FSTL5: variants seen among roughly 807,000 people sequenced by gnomAD.
FSTL5 encodes the protein follistatin like 5.
Under a neutral mutation model 89.1 loss-of-function variants are expected in FSTL5, and 62 were observed. That is an observed-to-expected ratio of 0.70 (90% CI 0.57 to 0.86). FSTL5 has a LOEUF of 0.86. FSTL5 is among the 40% of genes least tolerant of loss of function. The pLI is 0.00. For synonymous variants in FSTL5, 383 were observed against 346.2 expected, an observed-to-expected ratio of 1.11 and a Z score of -1.18; for missense variants, 1,057 against 1,001.6, an observed-to-expected ratio of 1.06 and a Z score of -0.75.
At chr4:162,098,409 T>C (rs950888427) in intron 2 of FSTL5, among the ~76,000 whole-genome samples, 2 of 151,990 alleles carry the variant, frequency 1.3e-5, no homozygotes, top group Non-Finnish European at 2.9e-5. Context: ...ATTGATGTAT[T>C]TTGCAAAAAT....
chr4:161,634,760 T>C (rs1246373758), intron 7 of FSTL5, among the ~76,000 whole-genome samples: 2 of 152,130 alleles, frequency 1.3e-5, no homozygotes, highest in African/African-American at 4.8e-5. Flanking sequence ...GGGAGGACAT[T>C]GTTCAAAGGG....
chr4:161,853,403 G>C (rs543437750), intron 4 of FSTL5, among the ~76,000 whole-genome samples: 1 of 151,310 alleles, frequency 6.6e-6, no homozygotes, highest in African/African-American at 2.4e-5. Flanking sequence ...GAGTAGCTAG[G>C]ATTACAGGCA....
intron 4 of FSTL5, among the ~76,000 whole-genome samples, chr4:161,849,048 AG>A (rs1731468561): frequency 6.6e-6 from 1 of 152,134 alleles, no homozygotes; most frequent in Non-Finnish European, 1.5e-5. Context: ...GTCTCTATAA[AG>A]GGATCAGTGC....
intron 1 of FSTL5, among the ~76,000 whole-genome samples, chr4:162,131,664 A>G (rs1417670389): frequency 6.6e-6 from 1 of 152,186 alleles, no homozygotes; most frequent in Non-Finnish European, 1.5e-5. Context: ...CTGAGAGAAG[A>G]TTCCCTGGGC....
chr4:161,568,039 G>T (rs1004349063), intron 8 of FSTL5, among the ~76,000 whole-genome samples: 1 of 151,506 alleles, frequency 6.6e-6, no homozygotes. Context: ...TTGGCAATAC[G>T]AGATCAGCAG....
At chr4:161,498,359 C>T (rs149762907) in intron 12 of FSTL5, among the ~76,000 whole-genome samples, 1 of 152,178 alleles carries the variant, frequency 6.6e-6, no homozygotes, top group East Asian at 1.9e-4. Context: ...ATTAAATTAA[C>T]TCACCCAGAG....
chr4:162,151,761 A>G (rs1306867701), intron 1 of FSTL5, among the ~76,000 whole-genome samples: 1 of 152,214 alleles, frequency 6.6e-6, no homozygotes, highest in Non-Finnish European at 1.5e-5. Flanking sequence ...CAAGAGAAAC[A>G]GTGTGGCTTC....
intron 15 of FSTL5, among the ~76,000 whole-genome samples, chr4:161,432,676 T>G (rs1320610692): frequency 2.0e-5 from 3 of 150,410 alleles, no homozygotes; most frequent in Non-Finnish European, 3.0e-5. Flanking sequence ...AAGTAACAAA[T>G]CTTTAGCCAG....
At chr4:161,400,676 G>A (rs1261682446) in intron 15 of FSTL5, among the ~76,000 whole-genome samples, 2 of 151,992 alleles carry the variant, frequency 1.3e-5, no homozygotes, top group African/African-American at 4.8e-5. Context: ...ATTACATATA[G>A]AAACATTGAC....
chr4:161,626,948 A>T lies in FSTL5; in HGVS notation c.894+29380T>A, dbSNP rs11930643. Among the ~76,000 whole-genome samples, 1,513 of 152,262 alleles carry T rather than the reference A, an allele frequency of 9.9e-3. 21 individuals carry two copies. The highest frequency in any genetic ancestry group is 0.034 in the African/African-American group (1,420 of 41,544). On this transcript the variant is annotated intron_variant, in intron 7 of 15. Transcript: ENST00000306100. ...TACAGTAGCACTATAAAAGTTGAAC[A>T]GATTACTTGCTTTTTATGGATGAGC...
chr4:161,854,135 T>C (rs966185112), intron 4 of FSTL5, among the ~76,000 whole-genome samples: 1 of 152,182 alleles, frequency 6.6e-6, no homozygotes, highest in Non-Finnish European at 1.5e-5. Flanking sequence ...AGTATAGGAC[T>C]GGCCAGGAGG....
chr4:162,051,824 A>G (rs1259325947), intron 2 of FSTL5, among the ~76,000 whole-genome samples: 3 of 151,638 alleles, frequency 2.0e-5, no homozygotes, highest in African/African-American at 7.2e-5. Flanking sequence ...CTGAAAAAAA[A>G]CAGTATTTGT....
At chr4:161,770,987 G>A (rs544514322) in intron 5 of FSTL5, among the ~76,000 whole-genome samples, 7 of 152,012 alleles carry the variant, frequency 4.6e-5, no homozygotes, top group African/African-American at 1.4e-4. Flanking sequence ...TGAACAAAAC[G>A]AATATTGTGC....
rs557117603 is a variant in FSTL5, at chr4:161,581,858, C to T, written c.1015+5597G>A. 7.2e-5 allele frequency among the ~76,000 whole-genome samples: 11 copies of T among 152,314 alleles called. No individual in the cohort carries two copies. In the South Asian group the frequency reaches 1.2e-3, roughly 17 times the overall value. On this transcript the variant is annotated intron_variant, in intron 8 of 15. Coordinates refer to ENST00000306100, the MANE Select transcript of FSTL5 (RefSeq NM_020116.5). ...TAGTTTCACTGTGAATATGGACAAG[C>T]TTTCTGCCCAGAGGGGCGTGTAAAC...
intron 3 of FSTL5, among the ~76,000 whole-genome samples, chr4:161,957,091 T>G (rs1425898392): frequency 1.3e-5 from 2 of 151,948 alleles, no homozygotes; most frequent in African/African-American, 2.4e-5. Context: ...AAATTAATTT[T>G]TATACACCAA....
At chr4:161,571,828 T>C (rs778593067) in intron 8 of FSTL5, among the ~76,000 whole-genome samples, 2 of 152,154 alleles carry the variant, frequency 1.3e-5, no homozygotes, top group African/African-American at 4.8e-5. Context: ...GGGTCCAAAA[T>C]TGCCTGTTCC....
chr4:161,496,041 AAAG>A (rs1376262342), intron 12 of FSTL5, among the ~76,000 whole-genome samples: 1 of 152,202 alleles, frequency 6.6e-6, no homozygotes, highest in South Asian at 2.1e-4. Flanking sequence ...AAACACATTG[AAAG>A]AAGAATACTG....
chr4:162,049,227 A>G (rs13145058), intron 2 of FSTL5, among the ~76,000 whole-genome samples: 36,662 of 152,020 alleles, frequency 0.24, 5,134 homozygotes, highest in Non-Finnish European at 0.32. Flanking sequence ...GAGTGAGAGA[A>G]AGCTTTGAAG....
chr4:161,404,706 T>TA lies in FSTL5; in HGVS notation c.1842-18258dup, dbSNP rs1014393874. On this transcript the variant is annotated intron_variant, in intron 15 of 15. Coordinates refer to ENST00000306100, the MANE Select transcript of FSTL5 (RefSeq NM_020116.5). ...TCAAAAGCCTTTGAGAAAAGTGACT[T>TA]AAAAAAAAAAACAACAATGATAACT... Among the ~76,000 whole-genome samples the TA allele has an allele frequency of 8.8e-3, 1,270 of 143,598 alleles. 5 individuals carry two copies. The highest frequency in any genetic ancestry group is 0.021 in the African/African-American group (836 of 39,302). 94.2% of individuals were successfully genotyped at this position (143,598 alleles called of 152,430 possible). A position where few individuals can be genotyped will look rare whatever the true frequency, so the allele number is the denominator to read the frequency against.
Sources: allele counts gnomAD v4.1 joint callset (sites outside exome capture counted in the v4.1 genomes callset), GRCh38; gene constraint gnomAD v4.1.1; transcripts MANE v1.5; gene names NCBI Gene and HGNC (gene_info 2026-07-23, HGNC 2026-07-21).